The following CNTN5 variants were observed in gnomAD, a reference collection of about 807,000 sequenced individuals.
CNTN5 encodes the protein contactin-5.
A neutral mutation model predicts 129.1 loss-of-function variants in CNTN5; 77 were observed. The ratio of observed to expected loss-of-function variants is 0.60; its 90% CI spans 0.50 to 0.72. CNTN5 has a LOEUF of 0.72. Ranked by LOEUF, CNTN5 falls within the 30% of genes least tolerant of loss-of-function variation. The pLI is 0.00. For synonymous variants in CNTN5, 509 were observed against 465.6 expected (o/e 1.09, Z -1.20); for missense variants, 1,478 against 1,328.8 (o/e 1.11, Z -1.75).
At chr11:100,338,777 A>G (rs1009519413) in intron 21 of CNTN5, among the ~76,000 whole-genome samples, 3 of 152,190 alleles carry the variant, frequency 2.0e-5, no homozygotes, top group Non-Finnish European at 4.4e-5. Context: ...GACCCATGGC[A>G]GTGCCCAGGT....
intron 15 of CNTN5, among the ~76,000 whole-genome samples, chr11:100,208,133 A>G (rs889462164): frequency 2.6e-5 from 4 of 152,218 alleles, no homozygotes; most frequent in Non-Finnish European, 2.9e-5. Context: ...ATAGGAAAGG[A>G]AATAAGAAGT....
chr11:99,484,188 C>CA (rs1228547674), intron 2 of CNTN5, among the ~76,000 whole-genome samples: 2 of 151,224 alleles, frequency 1.3e-5, no homozygotes, highest in Non-Finnish European at 3.0e-5. Context: ...AAAATAAAAA[C>CA]AAAAAAACAC....
At chr11:99,177,588 A>T (rs1857838167) in intron 1 of CNTN5, among the ~76,000 whole-genome samples, 1 of 152,214 alleles carries the variant, frequency 6.6e-6, no homozygotes, top group Non-Finnish European at 1.5e-5. Flanking sequence ...TCTATGGTTC[A>T]TCGAAAGATT....
At chr11:99,941,676 A>G (rs1443262703) in intron 7 of CNTN5, among the ~76,000 whole-genome samples, 1 of 151,000 alleles carries the variant, frequency 6.6e-6, no homozygotes, top group Non-Finnish European at 1.5e-5. Flanking sequence ...TCCCACAGGG[A>G]GTCATTTGAG....
intron 2 of CNTN5, among the ~76,000 whole-genome samples, chr11:99,405,180 T>C (rs1942017355): frequency 6.6e-6 from 1 of 152,126 alleles, no homozygotes; most frequent in Admixed American, 6.5e-5. Flanking sequence ...GGATTTTAAT[T>C]ATTAAATTTC....
intron 1 of CNTN5, among the ~76,000 whole-genome samples, chr11:99,066,345 C>A (rs1329691184): frequency 1.3e-5 from 2 of 152,198 alleles, no homozygotes; most frequent in Admixed American, 1.3e-4. Context: ...CTCAGGCAGT[C>A]TGCCTGCCTT....
intron 13 of CNTN5, among the ~76,000 whole-genome samples, chr11:100,129,219 C>T (rs76516082): frequency 3.3e-5 from 5 of 151,826 alleles, no homozygotes; most frequent in African/African-American, 1.2e-4. Context: ...ATTTATATAG[C>T]GTGCGTTATG....
At chr11:99,714,262 G>A (rs531180518) in intron 3 of CNTN5, among the ~76,000 whole-genome samples, 2 of 151,874 alleles carry the variant, frequency 1.3e-5, no homozygotes, top group African/African-American at 2.4e-5. Flanking sequence ...ATATTTCATT[G>A]TATATTTCTT....
At chr11:100,196,393 C>T (rs1439416510) in intron 15 of CNTN5, among the ~76,000 whole-genome samples, 1 of 151,950 alleles carries the variant, frequency 6.6e-6, no homozygotes, top group Non-Finnish European at 1.5e-5. Context: ...AACTGTTGTA[C>T]TGGTATCTTT....
intron 2 of CNTN5, among the ~76,000 whole-genome samples, chr11:99,360,063 A>C (rs573907947): frequency 1.3e-5 from 2 of 151,172 alleles, no homozygotes; most frequent in African/African-American, 4.8e-5. Flanking sequence ...AAAATTTAAA[A>C]AATAGACAAT....
At position 99,700,929 on chromosome 11, in the gene CNTN5, C is replaced by A. The variant is rs1448852096; in HGVS notation, c.56-118615C>A. 2.0e-5 allele frequency among the ~76,000 whole-genome samples: 3 copies of A among 151,112 alleles called. No homozygotes were observed. The East Asian group carries it at 5.8e-4, about 29-fold the overall frequency. On this transcript the variant is annotated intron_variant, in intron 3 of 24. Coordinates refer to ENST00000524871, the MANE Select transcript of CNTN5 (RefSeq NM_014361.4). ...CAAAATGTTCTACCTTCCATCTTGGCAGAAAGGGAAGAAGACATAGGGCAG... is the reference window on the plus strand; with the variant it reads ...CAAAATGTTCTACCTTCCATCTTGGAAGAAAGGGAAGAAGACATAGGGCAG...
At chr11:99,382,264 C>A (rs1940612859) in intron 2 of CNTN5, among the ~76,000 whole-genome samples, 1 of 152,054 alleles carries the variant, frequency 6.6e-6, no homozygotes, top group Admixed American at 6.5e-5. Flanking sequence ...ACTGAGAGGA[C>A]TGAATGGCAC....
At chr11:99,937,063 A>T (rs546410948) in intron 7 of CNTN5, among the ~76,000 whole-genome samples, 2 of 152,204 alleles carry the variant, frequency 1.3e-5, no homozygotes, top group Non-Finnish European at 2.9e-5. Context: ...TAAAGGAAAA[A>T]GAAAAAAAAT....
chr11:99,037,585 T>C (rs1016620657), intron 1 of CNTN5, among the ~76,000 whole-genome samples: 1 of 146,760 alleles, frequency 6.8e-6, no homozygotes, highest in African/African-American at 2.5e-5. Flanking sequence ...TCTTTTTTTT[T>C]TTTTTTTTTT....
chr11:99,572,001 C>T (rs538179559), intron 3 of CNTN5, among the ~76,000 whole-genome samples: 40 of 152,234 alleles, frequency 2.6e-4, no homozygotes, highest in Admixed American at 2.3e-3. Context: ...ATACGAAAGC[C>T]TCTCAGTTCA....
intron 18 of CNTN5, among the ~76,000 whole-genome samples, chr11:100,281,994 C>A (rs1292339095): frequency 1.0e-5 from 1 of 95,570 alleles, no homozygotes; most frequent in Non-Finnish European, 2.0e-5. Context: ...TCTTGGCATT[C>A]TATTTTTTTT....
intron 3 of CNTN5, among the ~76,000 whole-genome samples, chr11:99,633,094 A>G (rs627917): frequency 0.6 from 91,637 of 151,886 alleles, 28,476 homozygotes; most frequent in Admixed American, 0.69. Context: ...ATCAGCTCCC[A>G]TTTGAAACCT....
At chr11:100,294,367 A>G (rs1951060312) in intron 18 of CNTN5, among the ~76,000 whole-genome samples, 1 of 151,740 alleles carries the variant, frequency 6.6e-6, no homozygotes, top group South Asian at 2.1e-4. Flanking sequence ...AATGCTTTCA[A>G]TGTTTAAGAG....
At chr11:100,124,461 G>A (rs1451425656) in intron 13 of CNTN5, among the ~76,000 whole-genome samples, 1 of 151,868 alleles carries the variant, frequency 6.6e-6, no homozygotes, top group Non-Finnish European at 1.5e-5. Flanking sequence ...TAAACAGCAT[G>A]CAAGGAAAAA....
Sources: gnomAD v4.1 joint callset for allele counts (sites outside exome capture counted in the v4.1 genomes callset) on GRCh38, gnomAD v4.1.1 for gene constraint, MANE v1.5 for transcripts, NCBI Gene and HGNC (gene_info 2026-07-23, HGNC 2026-07-21) for gene names.